ZNF550: variants seen among roughly 807,000 people sequenced by gnomAD.
ZNF550 encodes the protein zinc finger protein 550.
In ZNF550, 42 loss-of-function variants were observed where a neutral mutation model predicts 40.2. The ratio of observed to expected loss-of-function variants is 1.05; its 90% confidence interval spans 0.82 to 1.35. The LOEUF is 1.35. ZNF550 is among the 40% of genes most tolerant of loss of function. The pLI is 0.00. For missense variants in ZNF550, 549 were observed against 525.2 expected (o/e 1.05, Z -0.44); for synonymous variants, 223 against 198.6 (o/e 1.12, Z -1.03).
intron 4 of ZNF550, chr19:57,543,631 T>C (rs2089980964): frequency 1.0e-6 from 1 of 985,372 alleles, no homozygotes. Context: ...TACAAAAACA[T>C]GAACATGAAA....
intron 2 of ZNF550, chr19:57,553,903 A>G (rs2090096738): frequency 2.0e-5 from 3 of 151,522 alleles, no homozygotes; most frequent in African/African-American, 4.8e-5. Context: ...GAGGCTGGAC[A>G]TGGTGGCTCA....
chr19:57,552,538 C>G, intron 3 of ZNF550, 89 bp downstream of exon 3: 1 of 1,047,196 alleles, frequency 9.5e-7, no homozygotes, highest in Admixed American at 2.2e-5. Flanking sequence ...CCACAATGAG[C>G]AGTTTCACAC....
At chr19:57,560,464 G>T (rs898629982), upstream of ZNF550, among the ~76,000 whole-genome samples, 2 of 152,202 alleles carry the variant, frequency 1.3e-5, no homozygotes, top group African/African-American at 2.4e-5. Context: ...ATGCAGGGAT[G>T]AGTCAAAATG....
chr19:57,548,728 T>C (rs2090046638), intron 3 of ZNF550, among the ~76,000 whole-genome samples: 1 of 152,098 alleles, frequency 6.6e-6, no homozygotes, highest in Non-Finnish European at 1.5e-5. Flanking sequence ...AGTGGAGGTA[T>C]ATACCCAAAA....
chr19:57,547,136 G>C, exon 4 of ZNF550: 2 of 1,610,774 alleles, frequency 1.2e-6, no homozygotes, highest in Non-Finnish European at 1.7e-6. Flanking sequence ...CATTCATAGG[G>C]CTTCTCCCCA....
At position 57,546,455 on chromosome 19, in the gene ZNF550, A is replaced by G. The variant is rs1320483341; in HGVS notation, c.*518+2T>C. On this transcript the variant is annotated splice_donor_variant, in intron 4 of 4. Coordinates refer to ENST00000457177, the Ensembl canonical transcript of ZNF550. LOFTEE classifies it low-confidence loss of function (3UTR_SPLICE). ...CTGTAAGGACATAAAGCAAGAAGATACCTGTAACTGAAGGTTTTCATAAGT... is the reference window on the plus strand; with the variant it reads ...CTGTAAGGACATAAAGCAAGAAGATGCCTGTAACTGAAGGTTTTCATAAGT... 1.0e-6 allele frequency: 1 copy of G among 985,364 alleles called. No individual in the cohort carries two copies. The highest frequency in any genetic ancestry group is 1.2e-6 in the Non-Finnish European group (1 of 829,598). 61.0% of individuals were successfully genotyped at this position (985,364 alleles called of 1,614,324 possible).
intron 3 of ZNF550, 151 bp from the exon 4 acceptor site, chr19:57,548,144 G>A: frequency 1.3e-6 from 1 of 749,612 alleles, no homozygotes; most frequent in Non-Finnish European, 2.1e-6. Flanking sequence ...ACCAAATACT[G>A]CTTACGGTCC....
exon 5 of ZNF550, chr19:57,542,646 ATAATT>A (rs1158863999): frequency 7.9e-5 from 12 of 152,348 alleles, no homozygotes; most frequent in South Asian, 2.1e-4. Context: ...TAATTTAAAA[ATAATT>A]TAATACCACA....
chr19:57,552,929 C>G, intron 2 of ZNF550: 1 of 540,426 alleles, frequency 1.9e-6, no homozygotes, highest in East Asian at 2.9e-5. Flanking sequence ...TGCCCTAACA[C>G]CCAACGTGAC....
chr19:57,556,403 A>G, intron 1 of ZNF550, 46 bp from the exon 2 acceptor site: 1 of 1,583,930 alleles, frequency 6.3e-7, no homozygotes, highest in Non-Finnish European at 8.6e-7. Flanking sequence ...GTGTTGTCGC[A>G]TAGGATCAGA....
At chr19:57,561,001 AT>A (rs2090162023), upstream of ZNF550, among the ~76,000 whole-genome samples, 1 of 152,202 alleles carries the variant, frequency 6.6e-6, no homozygotes, top group African/African-American at 2.4e-5. This position sits in a 1 kb window ranked among gnomAD's most constrained non-coding sequence, Gnocchi z 4.9. Context: ...AAGGAGGGAA[AT>A]TCAGGGACCC....
chr19:57,556,822 T>A (rs1362103716), intron 1 of ZNF550: 2 of 173,092 alleles, frequency 1.2e-5, no homozygotes, highest in African/African-American at 4.8e-5. Flanking sequence ...TGAGATGCTG[T>A]TAATCTGTAA....
intron 4 of ZNF550, chr19:57,546,348 TAA>T (rs747779325): frequency 9.4e-3 from 2,451 of 261,910 alleles, no homozygotes; most frequent in Non-Finnish European, 0.013. Flanking sequence ...GAATGTATGT[TAA>T]AAAAAAAAAA....
intron 1 of ZNF550, chr19:57,556,709 G>A (rs2090124674): frequency 9.3e-6 from 2 of 215,928 alleles, no homozygotes; most frequent in Non-Finnish European, 1.9e-5. Context: ...GCAGCTAAGT[G>A]TGGGGGAAAG....
At chr19:57,549,005 C>G (rs1432625781) in intron 3 of ZNF550, among the ~76,000 whole-genome samples, 1 of 151,878 alleles carries the variant, frequency 6.6e-6, no homozygotes, top group Non-Finnish European at 1.5e-5. Flanking sequence ...CTGGGAACGG[C>G]AGTAGGATGG....
At chr19:57,546,856 A>G (rs1254882077) in exon 4 of ZNF550, 14 of 1,426,938 alleles carry the variant, frequency 9.8e-6, no homozygotes, top group Admixed American at 5.7e-5. Flanking sequence ...AAAAAATGAA[A>G]AGTTTCCTGA....
At chr19:57,557,330 C>T (rs1268169991) in intron 1 of ZNF550, 2 of 152,072 alleles carry the variant, frequency 1.3e-5, no homozygotes, top group Admixed American at 6.6e-5. Context: ...CTGCTCTTTA[C>T]TGCACTGAGA....
chr19:57,543,471 G>A lies in ZNF550; in HGVS notation c.*519-228C>T, dbSNP rs985266175. On this transcript the variant is annotated intron_variant, in intron 4 of 4. Coordinates refer to ENST00000457177, the Ensembl canonical transcript of ZNF550. ...GACCGACTTGCCGAGTTAATTTACCGTCCACATTTCCTCTGTGACATTTAC... is the reference window on the plus strand; with the variant it reads ...GACCGACTTGCCGAGTTAATTTACCATCCACATTTCCTCTGTGACATTTAC... 6 of 385,314 alleles carry A rather than the reference G, an allele frequency of 1.6e-5. No individual in the cohort carries two copies. The Admixed American group carries it at 1.9e-4, about 12-fold the overall frequency. 23.9% of individuals were successfully genotyped at this position (385,314 alleles called of 1,614,324 possible).
chr19:57,549,095 G>C (rs1231754555), intron 3 of ZNF550, among the ~76,000 whole-genome samples: 1 of 151,590 alleles, frequency 6.6e-6, no homozygotes, highest in Admixed American at 6.6e-5. Context: ...ATAAGACCTA[G>C]TATTTGATAG....
Sources: allele counts gnomAD v4.1 joint callset (sites outside exome capture counted in the v4.1 genomes callset), GRCh38; gene constraint gnomAD v4.1.1; non-coding constraint Gnocchi (gnomAD v3.1); transcripts MANE v1.5; gene names NCBI Gene and HGNC (gene_info 2026-07-23, HGNC 2026-07-21).